Variants in SYNRG observed in about 807,000 individuals in gnomAD.
SYNRG encodes synergin gamma, also known as AP1 gamma subunit binding protein 1.
Under a neutral mutation model 130.9 loss-of-function variants are expected in SYNRG, and 37 were observed. The observed-to-expected ratio is 0.28, with a 90% CI of 0.22 to 0.37. SYNRG has a LOEUF of 0.37. SYNRG is among the 10% of genes least tolerant of loss of function. The pLI is 1.00. For missense variants in SYNRG, 1,338 were observed against 1,588.9 expected, an observed-to-expected ratio of 0.84 and a Z score of 2.68; for synonymous variants, 539 against 568.1, an observed-to-expected ratio of 0.95 and a Z score of 0.73.
At chr17:37,568,768 A>G in intron 11 of SYNRG, 23 bp downstream of exon 11, 5 of 1,609,750 alleles carry the variant, frequency 3.1e-6, no homozygotes, top group Non-Finnish European at 4.2e-6. Flanking sequence ...ATGCAATGTT[A>G]AATATATTAA....
chr17:37,561,270 G>T lies in SYNRG; in HGVS notation c.1601-13C>A, dbSNP rs371438265. 3.1e-6 allele frequency: 5 copies of T among 1,612,042 alleles called. No individual in the cohort carries two copies. Among genetic ancestry groups the T allele is most frequent in the African/African-American group, 1.3e-5 (1 of 74,766 alleles). On this transcript the variant is annotated splice_polypyrimidine_tract_variant and intron_variant, in intron 12 of 21. Transcript: ENST00000612223. Reference sequence around the variant, plus strand: ...TTATCACCAGGATCTATGATAGAAAGGACAGAAGCTCAGTTAAGGTTAGGA... The same window carrying T: ...TTATCACCAGGATCTATGATAGAAATGACAGAAGCTCAGTTAAGGTTAGGA...
chr17:37,586,318 G>C, intron 4 of SYNRG, 101 bp downstream of exon 4: 1 of 1,500,116 alleles, frequency 6.7e-7, no homozygotes, highest in Non-Finnish European at 9.0e-7. Context: ...GACAACTTTT[G>C]ACTGTTTTAG....
At position 37,600,385 on chromosome 17, in the gene SYNRG, T is replaced by A; in HGVS notation, c.96A>T (p.Ala32=). The change falls in exon 2 of 22, where the codon GCA becomes GCT. Residue 32 remains alanine (A), a synonymous_variant. Transcript: ENST00000612223. ...TACCTTGAGGGGGTCTTATCCCACC[T>A]GCAACAGGAAACATGAAGCTGAAAA... ...AGGGGFMFPV[A]GGIRPPQAGL... 1.2e-6 allele frequency: 2 copies of A among 1,613,346 alleles called. No homozygotes were observed. Among genetic ancestry groups the A allele is most frequent in the Non-Finnish European group, 1.7e-6 (2 of 1,179,834 alleles).
rs148223982 is a variant in SYNRG, at chr17:37,553,542, G to A, written c.2181C>T (p.Asn727=). 1.3e-4 allele frequency: 212 copies of A among 1,614,070 alleles called. No homozygotes were observed. The highest frequency in any genetic ancestry group is 1.6e-4 in the Non-Finnish European group (190 of 1,180,052). ...GTCCACCCTTCACTGTGCTGCCCAC[G>A]TTGCTGGTTAGAGGAACAGGACTGG... is the stretch of plus-strand genomic sequence containing the variant. ...EEASPVPLTS[N]VGSTVKGGQN... Residue 727 remains asparagine, a synonymous_variant, in exon 14 of 22, where the codon AAC becomes AAT. Transcript: ENST00000612223.
chr17:37,541,897 T>C (rs896584272), intron 15 of SYNRG, 75 bp downstream of exon 15: 2 of 1,374,378 alleles, frequency 1.5e-6, no homozygotes, highest in Non-Finnish European at 2.0e-6. Flanking sequence ...GAGAGCAACA[T>C]TTTATTCTTA....
At chr17:37,571,482 T>G (rs577829932) in intron 9 of SYNRG, among the ~76,000 whole-genome samples, 106 of 152,266 alleles carry the variant, frequency 7.0e-4, no homozygotes, top group African/African-American at 2.5e-3. Flanking sequence ...CTTGGGAGGC[T>G]GAGGCACGAG....
chr17:37,526,643 A>G (rs1401461881), intron 19 of SYNRG, among the ~76,000 whole-genome samples: 1 of 152,170 alleles, frequency 6.6e-6, no homozygotes, highest in African/African-American at 2.4e-5. Flanking sequence ...TCTAGCTTCT[A>G]GGGACGACCT....
chr17:37,572,092 T>A, intron 8 of SYNRG, 105 bp from the exon 9 acceptor site: 1 of 956,534 alleles, frequency 1.0e-6, no homozygotes, highest in Non-Finnish European at 1.6e-6. Flanking sequence ...AAAACTGCTT[T>A]AATAGAACCG....
chr17:37,577,677 C>T, intron 6 of SYNRG, 64 bp from the exon 7 acceptor site: 1 of 1,215,500 alleles, frequency 8.2e-7, no homozygotes, highest in Non-Finnish European at 1.2e-6. Flanking sequence ...TTTAACCATC[C>T]ATCTCCACCC....
intron 16 of SYNRG, among the ~76,000 whole-genome samples, chr17:37,539,519 C>T (rs1185037940): frequency 6.6e-6 from 1 of 152,118 alleles, no homozygotes; most frequent in East Asian, 1.9e-4. Context: ...TACAGGCACG[C>T]ACCACCACAT....
chr17:37,581,804 G>A (rs569832708), intron 6 of SYNRG, among the ~76,000 whole-genome samples: 165 of 140,158 alleles, frequency 1.2e-3, no homozygotes, highest in South Asian at 6.7e-3. Flanking sequence ...TGGCTCTGTC[G>A]CCCAGGCTGG....
chr17:37,557,758 G>A (rs917920463), intron 13 of SYNRG, among the ~76,000 whole-genome samples: 1 of 152,048 alleles, frequency 6.6e-6, no homozygotes, highest in Non-Finnish European at 1.5e-5. Flanking sequence ...GGAGGCTGAG[G>A]CTGCTTGAGT....
At chr17:37,564,286 C>T (rs372718079) in intron 11 of SYNRG, among the ~76,000 whole-genome samples, 1 of 152,156 alleles carries the variant, frequency 6.6e-6, no homozygotes. Flanking sequence ...CCCTTCAGGT[C>T]TTATGTGCAG....
chr17:37,534,400 T>C (rs2056993197), intron 19 of SYNRG, among the ~76,000 whole-genome samples: 1 of 152,116 alleles, frequency 6.6e-6, no homozygotes, highest in Admixed American at 6.6e-5. Flanking sequence ...AATTTTTGTA[T>C]TTTTGGTAGA....
At chr17:37,599,296 G>C (rs1356477170) in intron 2 of SYNRG, among the ~76,000 whole-genome samples, 2 of 152,232 alleles carry the variant, frequency 1.3e-5, no homozygotes, top group Non-Finnish European at 2.9e-5. Context: ...TGTCCCAGTT[G>C]CATGGCAGCA....
chr17:37,583,077 A>G (rs1452185802), intron 6 of SYNRG, among the ~76,000 whole-genome samples: 7 of 150,658 alleles, frequency 4.6e-5, no homozygotes, highest in Non-Finnish European at 1.0e-4. Flanking sequence ...TGCAGCCTCT[A>G]TCTCCCAGGT....
intron 1 of SYNRG, among the ~76,000 whole-genome samples, chr17:37,607,955 C>CAAAAAAAAAAAAAAAAAAAAAAAAAAA (rs67822733): frequency 2.0e-5 from 1 of 51,122 alleles, no homozygotes; most frequent in African/African-American, 5.4e-5. Context: ...GACTTCCTCT[C>CAAAAAAAAAAAAAAAAAAAAAAAAAAA]AAAAAAAAAA....
At chr17:37,532,419 C>T (rs750707709) in intron 19 of SYNRG, among the ~76,000 whole-genome samples, 13 of 152,074 alleles carry the variant, frequency 8.5e-5, no homozygotes, top group Non-Finnish European at 1.9e-4. Flanking sequence ...CCTGTAATGC[C>T]TCTAGCACTT....
At position 37,547,477 on chromosome 17, in the gene SYNRG, T is replaced by C. The variant is rs1269239104; in HGVS notation, c.2609-4912A>G. Among the ~76,000 whole-genome samples the C allele has an allele frequency of 2.0e-4, 30 of 151,992 alleles. No individual in the cohort carries two copies. The East Asian group carries it at 5.8e-3, about 29-fold the overall frequency. ...TTCATTTGCTGCTTTTTTTTTTTTT[T>C]TGGAGATGGAGTCTCGCTCTGTCGC... On this transcript the variant is annotated intron_variant, in intron 14 of 21. Transcript: ENST00000612223.
Sources: allele counts gnomAD v4.1 joint callset (sites outside exome capture counted in the v4.1 genomes callset), GRCh38; gene constraint gnomAD v4.1.1; transcripts MANE v1.5; gene names NCBI Gene and HGNC (gene_info 2026-07-23, HGNC 2026-07-21).